Variants in ADCY5 observed in about 807,000 individuals in gnomAD.
ADCY5 encodes adenylate cyclase type 5.
ADCY5 carries 30 observed loss-of-function variants against 119.7 expected under a neutral mutation model. The observed-to-expected ratio is 0.25, with a 90% CI of 0.19 to 0.34. The LOEUF is 0.34. Ranked by LOEUF, ADCY5 falls within the 10% of genes least tolerant of loss-of-function variation. The probability of loss-of-function intolerance (pLI) is 1.00; values close to 1 mark genes in which losing one functional copy is unlikely to be tolerated. For missense variants in ADCY5, 1,324 were observed against 1,775.2 expected (o/e 0.75, Z 4.57); for synonymous variants, 753 against 762.2 (o/e 0.99, Z 0.20).
intron 3 of ADCY5, among the ~76,000 whole-genome samples, chr3:123,338,759 G>T (rs1942142590): frequency 6.6e-6 from 1 of 152,198 alleles, no homozygotes; most frequent in Admixed American, 6.5e-5. Flanking sequence ...ACCACAACAG[G>T]CCCTTCAGCC....
At chr3:123,353,037 C>T (rs1212027184) in intron 1 of ADCY5, among the ~76,000 whole-genome samples, 3 of 152,118 alleles carry the variant, frequency 2.0e-5, no homozygotes, top group Admixed American at 6.5e-5. Flanking sequence ...CAAGGATTCT[C>T]GAATCCCCTC....
At chr3:123,377,595 G>C (rs1264689114) in intron 1 of ADCY5, among the ~76,000 whole-genome samples, 3 of 151,896 alleles carry the variant, frequency 2.0e-5, no homozygotes, top group Admixed American at 6.6e-5. Flanking sequence ...GCTAGACTGT[G>C]AGCTCCATGA....
intron 1 of ADCY5, among the ~76,000 whole-genome samples, chr3:123,353,379 C>G (rs1339656427): frequency 1.3e-5 from 2 of 152,236 alleles, no homozygotes; most frequent in African/African-American, 2.4e-5. Flanking sequence ...ACGGTACATT[C>G]AGATCCCAGT....
chr3:123,327,462 G>A (rs943943187), intron 7 of ADCY5, among the ~76,000 whole-genome samples, 156 bp downstream of exon 7: 1 of 152,166 alleles, frequency 6.6e-6, no homozygotes, highest in African/African-American at 2.4e-5. Flanking sequence ...TTTTTGCAAG[G>A]CCTAACTGCC....
intron 20 of ADCY5, 122 bp from the exon 21 acceptor site, chr3:123,284,858 C>T: frequency 1.5e-6 from 2 of 1,356,412 alleles, no homozygotes; most frequent in Non-Finnish European, 2.1e-6. Flanking sequence ...AGGAGAGGGG[C>T]AGCTGCCCCA....
intron 17 of ADCY5, among the ~76,000 whole-genome samples, chr3:123,293,474 G>T (rs1383642919): frequency 6.6e-6 from 1 of 152,060 alleles, no homozygotes; most frequent in Non-Finnish European, 1.5e-5. Context: ...ACTTGAGGGA[G>T]AGAAGTTGCC....
At chr3:123,408,783 C>A (rs1246606183) in intron 1 of ADCY5, among the ~76,000 whole-genome samples, 2 of 152,116 alleles carry the variant, frequency 1.3e-5, no homozygotes, top group Non-Finnish European at 2.9e-5. Flanking sequence ...CAAGATCAGC[C>A]TGGCCAACAT....
At chr3:123,390,890 G>A (rs1162920943) in intron 1 of ADCY5, among the ~76,000 whole-genome samples, 1 of 152,222 alleles carries the variant, frequency 6.6e-6, no homozygotes. Flanking sequence ...CAACTGGCAC[G>A]CTATAAAGAG....
intron 1 of ADCY5, among the ~76,000 whole-genome samples, chr3:123,432,750 C>G (rs1210526511): frequency 6.6e-6 from 1 of 152,180 alleles, no homozygotes; most frequent in African/African-American, 2.4e-5. Flanking sequence ...TGGTCTCTAA[C>G]TCCTGGCCTC....
At chr3:123,300,795 G>A (rs1408958881) in intron 14 of ADCY5, among the ~76,000 whole-genome samples, 15 of 152,200 alleles carry the variant, frequency 9.9e-5, no homozygotes, top group South Asian at 2.1e-4. Flanking sequence ...AGGGGGCCAC[G>A]CCTGAACGGA....
chr3:123,335,448 C>A (rs1309561375), intron 3 of ADCY5, among the ~76,000 whole-genome samples: 1 of 152,214 alleles, frequency 6.6e-6, no homozygotes, highest in African/African-American at 2.4e-5. Flanking sequence ...CTCATAACCA[C>A]CCCGTCAGGA....
chr3:123,442,994 CTATCCAGAAATGCAGGTGA>C (rs1945749313), intron 1 of ADCY5, among the ~76,000 whole-genome samples: 1 of 152,228 alleles, frequency 6.6e-6, no homozygotes, highest in Non-Finnish European at 1.5e-5. Context: ...TGAATTTCTC[CTATCCAGAAATGCAGGTGA>C]TAGGGAAAGC....
intron 1 of ADCY5, among the ~76,000 whole-genome samples, chr3:123,438,327 A>G (rs1463948782): frequency 3.3e-5 from 5 of 152,122 alleles, no homozygotes; most frequent in Non-Finnish European, 5.9e-5. Flanking sequence ...TTAATCCAAT[A>G]TTTCCTAAAT....
chr3:123,400,084 A>T (rs887681921), intron 1 of ADCY5, among the ~76,000 whole-genome samples: 1 of 152,240 alleles, frequency 6.6e-6, no homozygotes, highest in African/African-American at 2.4e-5. Flanking sequence ...TCTCTGCAAT[A>T]GGAGGGACTG....
At chr3:123,350,135 G>A (rs771733099) in intron 2 of ADCY5, among the ~76,000 whole-genome samples, 56 of 152,290 alleles carry the variant, frequency 3.7e-4, no homozygotes, top group Admixed American at 1.9e-3. Flanking sequence ...CTCCTCCTCC[G>A]CTGCTCCTCA....
intron 1 of ADCY5, among the ~76,000 whole-genome samples, chr3:123,380,137 A>G (rs577419349): frequency 2.4e-4 from 37 of 152,346 alleles, no homozygotes; most frequent in Admixed American, 2.4e-3. Flanking sequence ...TCTCAGAAAC[A>G]GGGAGTCCAG....
At chr3:123,439,235 T>G (rs1576698241) in intron 1 of ADCY5, among the ~76,000 whole-genome samples, 2 of 151,964 alleles carry the variant, frequency 1.3e-5, no homozygotes, top group East Asian at 3.9e-4. Context: ...GCCTGTATTT[T>G]GTATTTTTAG....
intron 1 of ADCY5, among the ~76,000 whole-genome samples, chr3:123,416,946 C>T (rs1019619310): frequency 1.3e-5 from 2 of 152,272 alleles, no homozygotes; most frequent in Middle Eastern, 6.8e-3. Context: ...AAAGACCCAG[C>T]GAAAGGCAGC....
intron 1 of ADCY5, among the ~76,000 whole-genome samples, chr3:123,392,122 T>C (rs1330530647): frequency 3.3e-5 from 5 of 152,224 alleles, no homozygotes; most frequent in Non-Finnish European, 5.9e-5. Flanking sequence ...TCCACTACTG[T>C]TGTGGCAGGA....
Sources: allele counts gnomAD v4.1 joint callset (sites outside exome capture counted in the v4.1 genomes callset), GRCh38; gene constraint gnomAD v4.1.1; transcripts MANE v1.5; gene names NCBI Gene and HGNC (gene_info 2026-07-23, HGNC 2026-07-21).